Variants in GRIA2 observed in about 807,000 individuals in gnomAD.
The protein encoded by GRIA2 is glutamate ionotropic receptor AMPA type subunit 2.
Under a neutral mutation model 97.3 loss-of-function variants are expected in GRIA2, and 14 were observed. The observed-to-expected ratio is 0.14, with a 90% confidence interval of 0.10 to 0.23. The LOEUF (loss-of-function observed/expected upper bound fraction) is 0.23, where lower values mean the gene tolerates loss of function less well. Ranked by LOEUF, GRIA2 falls within the 10% of genes least tolerant of loss-of-function variation. GRIA2 has a pLI of 1.00. For missense variants in GRIA2, 558 were observed against 1,069.8 expected (o/e 0.52, Z 6.67); for synonymous variants, 412 against 387.8 (o/e 1.06, Z -0.73).
intron 2 of GRIA2, among the ~76,000 whole-genome samples, chr4:157,251,180 G>A (rs1731005197): frequency 6.6e-6 from 1 of 151,910 alleles, no homozygotes; most frequent in Non-Finnish European, 1.5e-5. Flanking sequence ...GGAGAGACAG[G>A]GGCAGACTCA....
chr4:157,327,448 A>T (rs1043019320), intron 6 of GRIA2, among the ~76,000 whole-genome samples: 6 of 152,126 alleles, frequency 3.9e-5, no homozygotes, highest in African/African-American at 1.4e-4. Flanking sequence ...CCATCATAGC[A>T]CCAGGATTTA....
At chr4:157,260,961 AT>A (rs891944072) in intron 2 of GRIA2, among the ~76,000 whole-genome samples, 3 of 151,744 alleles carry the variant, frequency 2.0e-5, no homozygotes, top group Non-Finnish European at 4.4e-5. Context: ...GCTCTGCCTT[AT>A]TGTTAAAATT....
chr4:157,272,724 T>G (rs2093825112), intron 2 of GRIA2, among the ~76,000 whole-genome samples: 1 of 152,090 alleles, frequency 6.6e-6, no homozygotes, highest in Non-Finnish European at 1.5e-5. Context: ...GAGAAACTAC[T>G]TCACCAAAGC....
intron 2 of GRIA2, among the ~76,000 whole-genome samples, chr4:157,302,271 G>T (rs1224223282): frequency 1.3e-5 from 2 of 152,088 alleles, no homozygotes; most frequent in South Asian, 4.2e-4. Flanking sequence ...CATTACAGGG[G>T]ATCAGTCTTG....
intron 2 of GRIA2, among the ~76,000 whole-genome samples, chr4:157,265,475 G>T (rs2126777956): frequency 6.6e-6 from 1 of 152,218 alleles, no homozygotes; most frequent in Non-Finnish European, 1.5e-5. Flanking sequence ...ATTGCATGAT[G>T]ACTGCATTCT....
chr4:157,355,904 T>TATATATTAATATATTTATATATAA (rs1425181518), intron 12 of GRIA2, among the ~76,000 whole-genome samples: 1 of 13,652 alleles, frequency 7.3e-5, no homozygotes, highest in African/African-American at 2.9e-4. Context: ...TATATATAAA[T>TATATATTAATATATTTATATATAA]ATATATATAT....
rs1579377623 is a variant in GRIA2 at position 157,341,441 on chromosome 4, C to T, written c.2022C>T (p.Gly674=). ...TTGCTTATGGAACATTAGACTCTGG[C>T]TCCACTAAAGAGTTTTTCAGGGTAA... ...TEIAYGTLDS[G]STKEFFRRSK... Residue 674 remains glycine, a synonymous_variant, in exon 12 of 16, where the codon GGC becomes GGT. Coordinates refer to ENST00000264426, the MANE Select transcript of GRIA2 (RefSeq NM_001083619.3). 1 of 1,609,682 alleles carries T rather than the reference C, an allele frequency of 6.2e-7. No homozygotes were observed. The highest frequency in any genetic ancestry group is 2.2e-5 in the East Asian group (1 of 44,818).
intron 2 of GRIA2, among the ~76,000 whole-genome samples, chr4:157,302,672 C>T (rs993906915): frequency 6.6e-6 from 1 of 152,100 alleles, no homozygotes; most frequent in African/African-American, 2.4e-5. Context: ...TAAGTATATA[C>T]TGTCAGTGAA....
chr4:157,317,952 G>A (rs1289196159), intron 5 of GRIA2, among the ~76,000 whole-genome samples: 1 of 152,024 alleles, frequency 6.6e-6, no homozygotes, highest in Non-Finnish European at 1.5e-5. Context: ...CTCCAGCCTA[G>A]TGACAAGAGA....
chr4:157,271,141 A>G (rs941546660), intron 2 of GRIA2, among the ~76,000 whole-genome samples: 1 of 151,984 alleles, frequency 6.6e-6, no homozygotes, highest in South Asian at 2.1e-4. Context: ...CTGTTTTTTT[A>G]CTCAACAACA....
At chr4:157,287,734 C>T (rs1005081408) in intron 2 of GRIA2, among the ~76,000 whole-genome samples, 4 of 151,262 alleles carry the variant, frequency 2.6e-5, no homozygotes, top group African/African-American at 9.7e-5. Context: ...CCTTGCCAGC[C>T]GACCACCTTT....
At chr4:157,270,482 A>T (rs1731968369) in intron 2 of GRIA2, among the ~76,000 whole-genome samples, 1 of 152,122 alleles carries the variant, frequency 6.6e-6, no homozygotes, top group Non-Finnish European at 1.5e-5. Flanking sequence ...AATAACTTAA[A>T]TATCACCAAA....
chr4:157,326,300 C>T (rs997475035), intron 6 of GRIA2, among the ~76,000 whole-genome samples: 1 of 152,182 alleles, frequency 6.6e-6, no homozygotes, highest in African/African-American at 2.4e-5. Flanking sequence ...AGGGTTTGTG[C>T]ATCACCCTTC....
rs2127011216 is a variant in GRIA2 at position 157,365,646 on chromosome 4, T to C, written c.*2215T>C. 6.6e-6 allele frequency: 1 copy of C among 152,152 alleles called. No homozygotes were observed. The highest frequency in any genetic ancestry group is 2.1e-4 in the South Asian group (1 of 4,830). The allele number at this position is 152,152 out of a possible 1,614,324, so 9.4% of individuals were successfully genotyped here. A position where few individuals can be genotyped will look rare whatever the true frequency, so the allele number is the denominator to read the frequency against. The stretch of plus-strand genomic sequence containing the variant: ...TCTCAGTTACAAGCAGTACTCATAG[T>C]TTAATATCCATGTAACGGTGCATCA... On this transcript the variant is annotated 3_prime_UTR_variant, in exon 16 of 16. Transcript: ENST00000264426.
At chr4:157,236,662 G>A (rs1431197575) in intron 2 of GRIA2, among the ~76,000 whole-genome samples, 1 of 152,120 alleles carries the variant, frequency 6.6e-6, no homozygotes, top group Non-Finnish European at 1.5e-5. Flanking sequence ...TACCTAGAGT[G>A]TATGAGTATG....
Position 157,220,779 on chromosome 4 carries a change from C to T in GRIA2, c.-264C>T. 1.9e-6 allele frequency: 1 copy of T among 527,958 alleles called. No individual in the cohort carries two copies. The highest frequency in any genetic ancestry group is 2.2e-5 in the South Asian group (1 of 46,452). 32.7% of individuals were successfully genotyped at this position (527,958 alleles called of 1,614,324 possible). A position where few individuals can be genotyped will look rare whatever the true frequency, so the allele number is the denominator to read the frequency against. ...GCTGAATATTCCGAGACACTGGGACCACAGCGGCAGCTCCGCTGAAAACTG... is the reference window on the plus strand; with the variant it reads ...GCTGAATATTCCGAGACACTGGGACTACAGCGGCAGCTCCGCTGAAAACTG... On this transcript the variant is annotated 5_prime_UTR_variant, in exon 1 of 16. Transcript: ENST00000264426.
intron 2 of GRIA2, among the ~76,000 whole-genome samples, chr4:157,272,417 G>A (rs914016347): frequency 1.3e-5 from 2 of 152,026 alleles, no homozygotes; most frequent in Admixed American, 1.3e-4. Context: ...CAACCAACTG[G>A]AGCAGAAACT....
chr4:157,244,722 T>G (rs1350447626), intron 2 of GRIA2, among the ~76,000 whole-genome samples: 2 of 152,010 alleles, frequency 1.3e-5, no homozygotes, highest in Non-Finnish European at 2.9e-5. Flanking sequence ...GAAACTATTT[T>G]CTGAACAATA....
At chr4:157,268,659 T>C (rs2126784832) in intron 2 of GRIA2, among the ~76,000 whole-genome samples, 1 of 152,156 alleles carries the variant, frequency 6.6e-6, no homozygotes, top group South Asian at 2.1e-4. Flanking sequence ...AAAAATTCCT[T>C]TTCTAAAAAT....
Sources: gnomAD v4.1 joint callset for allele counts (sites outside exome capture counted in the v4.1 genomes callset) on GRCh38, gnomAD v4.1.1 for gene constraint, MANE v1.5 for transcripts, NCBI Gene and HGNC (gene_info 2026-07-23, HGNC 2026-07-21) for gene names.